Variants in TYSND1 observed in about 807,000 individuals in gnomAD.
TYSND1 encodes trypsin like peroxisomal matrix peptidase 1.
In TYSND1, 30 loss-of-function variants were observed where a neutral mutation model predicts 37.2. That is an observed-to-expected ratio of 0.81 (90% CI 0.60 to 1.09). TYSND1 has a LOEUF of 1.09. Ranked by LOEUF, TYSND1 falls within the 50% of genes least tolerant of loss-of-function variation. TYSND1 has a pLI of 0.00. For missense variants in TYSND1, 806 were observed against 817.4 expected (o/e 0.99, Z 0.17); for synonymous variants, 364 against 383.8 (o/e 0.95, Z 0.60).
In TYSND1 at chr10:70,145,445, AC is replaced by A; in HGVS notation, c.1141del (p.Val381SerfsTer29). The A allele has an allele frequency of 6.8e-7, 1 of 1,465,210 alleles. No individual in the cohort carries two copies. Among genetic ancestry groups the A allele is most frequent in the Non-Finnish European group, 9.0e-7 (1 of 1,109,726 alleles). The allele number at this position is 1,465,210 out of a possible 1,614,324, so 90.8% of individuals were successfully genotyped here. A position where few individuals can be genotyped will look rare whatever the true frequency, so the allele number is the denominator to read the frequency against. On this transcript the variant is annotated frameshift_variant, in exon 1 of 4. Coordinates refer to ENST00000287078, the MANE Select transcript of TYSND1 (RefSeq NM_173555.4). LOFTEE classifies it high-confidence loss of function. Reference sequence around the variant, plus strand: ...CTTGGGGGTGGTGGAGCGCACCAGGACCCTGGCTGCTTCCCGAGGGGACACG... The same window carrying A: ...CTTGGGGGTGGTGGAGCGCACCAGGACCTGGCTGCTTCCCGAGGGGACACG... ...RHVSPREAAR[V>X]LVRSTTPKSV...
At position 70,146,288 on chromosome 10, in the gene TYSND1, C is replaced by T. The variant is rs1291188543; in HGVS notation, c.299G>A (p.Arg100Gln). ...GGGCGTGCACAGCCCTGGGCGGCCC[C>T]GCTCCGCGCCGCCCCCGGGACCCGC... ...TAAGPGGGAE[R>Q]GRPGLCTPQC... Residue 100 changes from arginine (R) to glutamine (Q), a missense_variant, in exon 1 of 4, where the codon CGG becomes CAG. Coordinates refer to ENST00000287078, the MANE Select transcript of TYSND1 (RefSeq NM_173555.4). 1 of 1,473,016 alleles carries T rather than the reference C, an allele frequency of 6.8e-7. No individual in the cohort carries two copies. Among genetic ancestry groups the T allele is most frequent in the South Asian group, 1.4e-5 (1 of 73,394 alleles). The allele number at this position is 1,473,016 out of a possible 1,614,324, so 91.2% of individuals were successfully genotyped here. A position where few individuals can be genotyped will look rare whatever the true frequency, so the allele number is the denominator to read the frequency against.
In TYSND1 at chr10:70,145,620, G is replaced by A. The variant is rs776380118; in HGVS notation, c.967C>T (p.Leu323Phe). 42 of 1,431,152 alleles carry A rather than the reference G, an allele frequency of 2.9e-5. 1 individual carries two copies. The South Asian group carries it at 6.0e-4, about 20-fold the overall frequency. The allele number at this position is 1,431,152 out of a possible 1,614,324, so 88.7% of individuals were successfully genotyped here. The stretch of plus-strand genomic sequence containing the variant: ...GGGACGCCCACCTCTGGCGGCAGAA[G>A]GGCGGCCAGGGCAGCGGTGCTGTGC... Reference protein sequence around the residue: ...LPHSTAALAALLPPEVGVPWG... With the variant: ...LPHSTAALAAFLPPEVGVPWG... The change falls in exon 1 of 4, where the codon CTT becomes TTT. Residue 323 changes from leucine to phenylalanine, a missense_variant. Transcript: ENST00000287078.
chr10:70,140,460 C>T (rs1322227323), intron 3 of TYSND1, among the ~76,000 whole-genome samples: 1 of 152,098 alleles, frequency 6.6e-6, no homozygotes, highest in African/African-American at 2.4e-5. Context: ...CTCCCCAGTA[C>T]CTGAAACAGT....
At position 70,144,088 on chromosome 10, in the gene TYSND1, C is replaced by T. The variant is rs2072834571; in HGVS notation, c.1167-116G>A. The T allele has an allele frequency of 2.9e-6, 4 of 1,364,238 alleles. No individual in the cohort carries two copies. The South Asian group carries it at 4.1e-5, about 14-fold the overall frequency. The allele number at this position is 1,364,238 out of a possible 1,614,324, so 84.5% of individuals were successfully genotyped here. On this transcript the variant is annotated intron_variant, in intron 1 of 3. Transcript: ENST00000287078. ...GAAGATCTGGGTATCAGCCCTGAAT[C>T]GACCAGCAGGCAACTCTGGGCAAGT...
chr10:70,141,069 C>T (rs1443028722), intron 3 of TYSND1, among the ~76,000 whole-genome samples: 1 of 151,256 alleles, frequency 6.6e-6, no homozygotes, highest in Non-Finnish European at 1.5e-5. Context: ...ACTGCAACCT[C>T]AACCTCCTGG....
chr10:70,140,150 G>C lies in TYSND1; in HGVS notation c.1484-9C>G, dbSNP rs544076807. On this transcript the variant is annotated splice_polypyrimidine_tract_variant and intron_variant, in intron 3 of 3. Coordinates refer to ENST00000287078, the MANE Select transcript of TYSND1 (RefSeq NM_173555.4). ...GTTGCTGGTGATTATGCCTGTTGAGGAGTCAGAGAGCAAAAGAGGATGTGA... is the reference window on the plus strand; with the variant it reads ...GTTGCTGGTGATTATGCCTGTTGAGCAGTCAGAGAGCAAAAGAGGATGTGA... The C allele has an allele frequency of 1.3e-6, 2 of 1,594,288 alleles. No individual in the cohort carries two copies. The highest frequency in any genetic ancestry group is 4.5e-5 in the East Asian group (2 of 44,512).
chr10:70,138,869 C>T lies in TYSND1; in HGVS notation c.*1055G>A, dbSNP rs1361464583. Reference sequence around the variant, plus strand: ...ATCCCAGCACTTTGGGAAGCTGAGGCAGGAGGACTGCTTGAAACCAGAAGG... The same window carrying T: ...ATCCCAGCACTTTGGGAAGCTGAGGTAGGAGGACTGCTTGAAACCAGAAGG... On this transcript the variant is annotated 3_prime_UTR_variant, in exon 4 of 4. Transcript: ENST00000287078. The T allele has an allele frequency of 2.0e-5, 3 of 152,322 alleles. No homozygotes were observed. Among genetic ancestry groups the T allele is most frequent in the African/African-American group, 7.2e-5 (3 of 41,434 alleles). 9.4% of individuals were successfully genotyped at this position (152,322 alleles called of 1,614,324 possible).
In TYSND1 at chr10:70,146,065, C is replaced by T; in HGVS notation, c.522G>A (p.Glu174=). 2 of 1,599,120 alleles carry T rather than the reference C, an allele frequency of 1.3e-6. No individual in the cohort carries two copies. Among genetic ancestry groups the T allele is most frequent in the Non-Finnish European group, 1.7e-6 (2 of 1,173,782 alleles). Residue 174 remains glutamate (E), a synonymous_variant, in exon 1 of 4, where the codon GAG becomes GAA. Coordinates refer to ENST00000287078, the MANE Select transcript of TYSND1 (RefSeq NM_173555.4). The stretch of plus-strand genomic sequence containing the variant: ...CCAGCGCTCTCAGTTGATCCGCCTC[C>T]TCGTCCTCCGACACTTCGTCATCCC... ...AARDDEVSED[E]EADQLRALGW...
At position 70,146,495 on chromosome 10, in the gene TYSND1, G is replaced by A; in HGVS notation, c.92C>T (p.Pro31Leu). ...ASRAGQPEAG[P>L]WSCSGVILSR... Reference sequence around the variant, plus strand: ...CAGGATTACCCCGCTGCAGCTCCACGGGCCCGCCTCGGGCTGTCCGGCCCG... The same window carrying A: ...CAGGATTACCCCGCTGCAGCTCCACAGGCCCGCCTCGGGCTGTCCGGCCCG... Residue 31 changes from proline (P) to leucine (L), a missense_variant, in exon 1 of 4, where the codon CCG (proline) becomes CTG (leucine). By Grantham distance (98) the Pro-to-Leu change is moderately conservative (BLOSUM62 -3). Around this residue, in one of 3 missense-constraint regions of TYSND1, gnomAD observed 84 missense variants for 79.0 expected, o/e 1.06. Coordinates refer to ENST00000287078, the MANE Select transcript of TYSND1 (RefSeq NM_173555.4). The A allele has an allele frequency of 6.3e-7, 1 of 1,594,442 alleles. No individual in the cohort carries two copies. The highest frequency in any genetic ancestry group is 8.5e-7 in the Non-Finnish European group (1 of 1,176,144).
chr10:70,142,655 A>C lies in TYSND1; in HGVS notation c.1483+13T>G. 1.3e-6 allele frequency: 2 copies of C among 1,549,406 alleles called. No individual in the cohort carries two copies. The highest frequency in any genetic ancestry group is 1.2e-5 in the South Asian group (1 of 84,426). On this transcript the variant is annotated intron_variant, in intron 3 of 3. Coordinates refer to ENST00000287078, the MANE Select transcript of TYSND1 (RefSeq NM_173555.4). ...CAAGTGGGAGGGCGGGAGGGGGCCAAAGAGCTGGTTACCAAGGAGGTTTCC... is the reference window on the plus strand; with the variant it reads ...CAAGTGGGAGGGCGGGAGGGGGCCACAGAGCTGGTTACCAAGGAGGTTTCC...
chr10:70,142,726 A>G lies in TYSND1; in HGVS notation c.1425T>C (p.Ala475=). Residue 475 remains alanine, a synonymous_variant, in exon 3 of 4, where the codon GCT becomes GCC. Coordinates refer to ENST00000287078, the MANE Select transcript of TYSND1 (RefSeq NM_173555.4). ...GTPVMLQTTC[A]VHSGSSGGPL... is the part of the protein sequence containing the mutation. ...GTCCCCCACTGGAGCCGCTGTGCACAGCACACGTGGTCTGCAGCATTACGG... is the reference window on the plus strand; with the variant it reads ...GTCCCCCACTGGAGCCGCTGTGCACGGCACACGTGGTCTGCAGCATTACGG... 6.2e-7 allele frequency: 1 copy of G among 1,613,316 alleles called. No individual in the cohort carries two copies. The highest frequency in any genetic ancestry group is 1.3e-5 in the African/African-American group (1 of 75,048).
chr10:70,145,492 G>T lies in TYSND1; in HGVS notation c.1095C>A (p.Arg365=). 1 of 1,528,730 alleles carries T rather than the reference G, an allele frequency of 6.5e-7. No individual in the cohort carries two copies. The allele number at this position is 1,528,730 out of a possible 1,614,324, so 94.7% of individuals were successfully genotyped here. A position where few individuals can be genotyped will look rare whatever the true frequency, so the allele number is the denominator to read the frequency against. Residue 365 remains arginine, a synonymous_variant, in exon 1 of 4, where the codon CGC becomes CGA. Transcript: ENST00000287078. Reference sequence around the variant, plus strand: ...ACACGTGCCGACAGGTCACTACAAGGCGGGGTGCCACAGCCACTCCGGAGC... The same window carrying T: ...ACACGTGCCGACAGGTCACTACAAGTCGGGGTGCCACAGCCACTCCGGAGC... ...VWGSGVAVAP[R]LVVTCRHVSP...
At chr10:70,142,095 T>C (rs1174824983) in intron 3 of TYSND1, among the ~76,000 whole-genome samples, 1 of 152,076 alleles carries the variant, frequency 6.6e-6, no homozygotes, top group Non-Finnish European at 1.5e-5. Context: ...TGGAGGTTTC[T>C]AGATGAACTC....
chr10:70,144,825 T>C (rs1245339892), intron 1 of TYSND1: 1 of 982,790 alleles, frequency 1.0e-6, no homozygotes, highest in Non-Finnish European at 1.2e-6. Context: ...AGCTTGGGGA[T>C]TCAGGAAGAG....
Position 70,142,593 on chromosome 10 carries a change from G to A in TYSND1, c.1483+75C>T, listed in dbSNP as rs1589862618. 21 of 1,377,714 alleles carry A rather than the reference G, an allele frequency of 1.5e-5. No individual in the cohort carries two copies. In the East Asian group the frequency reaches 5.3e-4, roughly 35 times the overall value. 85.3% of individuals were successfully genotyped at this position (1,377,714 alleles called of 1,614,324 possible). On this transcript the variant is annotated intron_variant, in intron 3 of 3. Coordinates refer to ENST00000287078, the MANE Select transcript of TYSND1 (RefSeq NM_173555.4). ...CCCAGACAGAGGGTGCACTGGGGCT[G>A]GCCACAAGCACTCATGGGGTGGGAC...
At chr10:70,143,029 C>A (rs1452156576) in intron 2 of TYSND1, among the ~76,000 whole-genome samples, 176 bp from the exon 3 acceptor site, 6 of 152,226 alleles carry the variant, frequency 3.9e-5, no homozygotes, top group African/African-American at 1.2e-4. Context: ...CTGGAAGAGG[C>A]TGAGAACTCC....
chr10:70,145,176 C>T (rs1205110546), intron 1 of TYSND1, among the ~76,000 whole-genome samples: 1 of 152,148 alleles, frequency 6.6e-6, no homozygotes, highest in East Asian at 1.9e-4. Flanking sequence ...TGCCCTGTTC[C>T]GGATTCAGGG....
In TYSND1 at chr10:70,139,857, GTCACCTCAACA is replaced by G. The variant is rs2072733078; in HGVS notation, c.*56_*66del. On this transcript the variant is annotated 3_prime_UTR_variant, in exon 4 of 4. Transcript: ENST00000287078. ...CTGGGCCCTGAATCCTGAGGCCACC[GTCACCTCAACA>G]TCACTTCCTACAGCAGAAAAAGGTC... 6.7e-7 allele frequency: 1 copy of G among 1,490,062 alleles called. No homozygotes were observed. The highest frequency in any genetic ancestry group is 9.1e-7 in the Non-Finnish European group (1 of 1,094,800). The allele number at this position is 1,490,062 out of a possible 1,614,324, so 92.3% of individuals were successfully genotyped here.
In TYSND1 at chr10:70,143,881, C is replaced by A; in HGVS notation, c.1258G>T (p.Asp420Tyr). The A allele has an allele frequency of 6.2e-7, 1 of 1,614,216 alleles. No individual in the cohort carries two copies. Among genetic ancestry groups the A allele is most frequent in the Non-Finnish European group, 8.5e-7 (1 of 1,180,034 alleles). Residue 420 changes from aspartate to tyrosine, a missense_variant, in exon 2 of 4, where the codon GAT (aspartate) becomes TAT (tyrosine). By Grantham distance (160) the Asp-to-Tyr change is radical. Transcript: ENST00000287078. ...AVVSLEEDLD[D>Y]VPIPVPAEHF... ...TCAGCGGGCACAGGGATGGGGACAT[C>A]ATCCAGGTCCTCCTCCAGGCTCACC... is the stretch of plus-strand genomic sequence containing the variant.
Sources: allele counts gnomAD v4.1 joint callset (sites outside exome capture counted in the v4.1 genomes callset), GRCh38; gene constraint gnomAD v4.1.1; regional missense constraint gnomAD v4.1.1; transcripts MANE v1.5; gene names NCBI Gene and HGNC (gene_info 2026-07-23, HGNC 2026-07-21).